The following PIK3CB variants were observed in gnomAD, a reference collection of about 807,000 sequenced individuals.
PIK3CB encodes phosphatidylinositol 4,5-bisphosphate 3-kinase catalytic subunit beta isoform.
In PIK3CB, 39 loss-of-function variants were observed where a neutral mutation model predicts 136.8. The observed-to-expected ratio is 0.29, with a 90% CI of 0.22 to 0.37. PIK3CB has a LOEUF of 0.37. Ranked by LOEUF, PIK3CB falls within the 10% of genes least tolerant of loss-of-function variation. PIK3CB has a pLI of 1.00. For missense variants in PIK3CB, 868 were observed against 1,275.4 expected (o/e 0.68, Z 4.87); for synonymous variants, 428 against 436.6 (o/e 0.98, Z 0.25).
rs764552777 is a variant in PIK3CB at position 138,664,071 on chromosome 3, C to T, written c.2673-42G>A. 4 of 1,606,446 alleles carry T rather than the reference C, an allele frequency of 2.5e-6. No homozygotes were observed. In the Admixed American group the frequency reaches 5.2e-5, roughly 21 times the overall value. ...AACAGAAGCAAAAAAGGTTTTCAGC[C>T]TCCAAGCGTGTAGAGTGAGACCCAA... On this transcript the variant is annotated intron_variant, in intron 20 of 23. Coordinates refer to ENST00000674063, the MANE Select transcript of PIK3CB (RefSeq NM_006219.3).
intron 1 of PIK3CB, among the ~76,000 whole-genome samples, chr3:138,809,378 G>A (rs1220643091): frequency 2.0e-5 from 3 of 151,742 alleles, no homozygotes; most frequent in African/African-American, 7.3e-5. Context: ...GGCCGAGGCG[G>A]GCGGATCACC....
At chr3:138,796,054 C>T (rs552425037) in intron 2 of PIK3CB, among the ~76,000 whole-genome samples, 1 of 152,238 alleles carries the variant, frequency 6.6e-6, no homozygotes, top group African/African-American at 2.4e-5. Context: ...ATCCCCCCTA[C>T]TCCCACTCCC....
intron 8 of PIK3CB, among the ~76,000 whole-genome samples, chr3:138,723,673 T>G (rs1222263573): frequency 1.3e-5 from 2 of 152,210 alleles, no homozygotes; most frequent in African/African-American, 2.4e-5. Context: ...AAGTCAGGCT[T>G]TGACATGCAA....
chr3:138,808,461 T>A (rs532105090), intron 1 of PIK3CB, among the ~76,000 whole-genome samples: 1 of 152,242 alleles, frequency 6.6e-6, no homozygotes, highest in African/African-American at 2.4e-5. Context: ...TGAGTTGTTC[T>A]ACAACTCTAT....
intron 1 of PIK3CB, among the ~76,000 whole-genome samples, chr3:138,820,273 T>C (rs1933503414): frequency 6.6e-6 from 1 of 152,160 alleles, no homozygotes; most frequent in South Asian, 2.1e-4. Flanking sequence ...CAACCCCAGA[T>C]GAGAAACACT....
chr3:138,694,605 T>C (rs1453806059), intron 14 of PIK3CB, among the ~76,000 whole-genome samples, 181 bp downstream of exon 14: 1 of 152,110 alleles, frequency 6.6e-6, no homozygotes, highest in Non-Finnish European at 1.5e-5. Context: ...AGCATGCTTT[T>C]GGTTTTTTTT....
chr3:138,693,963 ATAT>A (rs1479787978), intron 14 of PIK3CB, among the ~76,000 whole-genome samples: 1,556 of 35,146 alleles, frequency 0.044, 144 homozygotes, highest in East Asian at 0.29. Context: ...ATATATATAT[ATAT>A]TATATATATA....
chr3:138,787,317 G>GATCGCACC (rs2108804092), intron 2 of PIK3CB, among the ~76,000 whole-genome samples: 1 of 145,860 alleles, frequency 6.9e-6, no homozygotes, highest in Non-Finnish European at 1.5e-5. Flanking sequence ...AGTGAGCCGA[G>GATCGCACC]ATCGCACCAC....
At position 138,655,123 on chromosome 3, in the gene PIK3CB, A is replaced by G; in HGVS notation, c.*266T>C. On this transcript the variant is annotated 3_prime_UTR_variant, in exon 24 of 24. Transcript: ENST00000674063. ...AACAAAAACGGAAACAATCCCTAGT[A>G]GCATTCCTTGGCGTGCAAAGTCAGC... 2.3e-6 allele frequency: 1 copy of G among 429,870 alleles called. No individual in the cohort carries two copies. The highest frequency in any genetic ancestry group is 3.9e-5 in the South Asian group (1 of 25,432). 26.6% of individuals were successfully genotyped at this position (429,870 alleles called of 1,614,324 possible). A position where few individuals can be genotyped will look rare whatever the true frequency, so the allele number is the denominator to read the frequency against.
chr3:138,757,478 A>AACACACACAC (rs146470519), intron 3 of PIK3CB, among the ~76,000 whole-genome samples: 124 of 136,428 alleles, frequency 9.1e-4, no homozygotes, highest in African/African-American at 3.3e-3. Context: ...GATACTATTA[A>AACACACACAC]ACACACACAC....
intron 2 of PIK3CB, chr3:138,770,511 C>CATCCT (rs1307359935): frequency 6.6e-6 from 1 of 151,734 alleles, no homozygotes; most frequent in African/African-American, 2.4e-5. Flanking sequence ...AGATCGTGAC[C>CATCCT]ATCCTGGCTA....
At chr3:138,809,463 G>A (rs2046269805) in intron 1 of PIK3CB, among the ~76,000 whole-genome samples, 2 of 151,814 alleles carry the variant, frequency 1.3e-5, no homozygotes, top group Admixed American at 6.6e-5. Flanking sequence ...AAAATTAGCT[G>A]GGCATGGTGG....
At chr3:138,739,286 A>T (rs2108659452) in intron 5 of PIK3CB, among the ~76,000 whole-genome samples, 1 of 152,024 alleles carries the variant, frequency 6.6e-6, no homozygotes, top group East Asian at 1.9e-4. Flanking sequence ...TCTACTAAAA[A>T]TACAAAAATT....
intron 2 of PIK3CB, among the ~76,000 whole-genome samples, chr3:138,786,188 G>C (rs923571743): frequency 1.8e-4 from 27 of 152,206 alleles, no homozygotes; most frequent in Non-Finnish European, 3.7e-4. Flanking sequence ...TCTCTCCTGG[G>C]TGCTCAGAAG....
intron 1 of PIK3CB, among the ~76,000 whole-genome samples, chr3:138,834,020 A>T (rs1489940045): frequency 6.6e-6 from 1 of 152,184 alleles, no homozygotes; most frequent in Non-Finnish European, 1.5e-5. Context: ...GCAACACCAG[A>T]GCAGATCGGA....
chr3:138,821,368 G>A (rs1477019273), intron 1 of PIK3CB, among the ~76,000 whole-genome samples: 1 of 152,142 alleles, frequency 6.6e-6, no homozygotes, highest in Non-Finnish European at 1.5e-5. Flanking sequence ...ACTTTGGGAG[G>A]CTGCGGCGGG....
intron 10 of PIK3CB, among the ~76,000 whole-genome samples, chr3:138,711,579 CAAAAAA>C (rs139989947): frequency 3.0e-5 from 2 of 67,544 alleles, no homozygotes; most frequent in African/African-American, 1.2e-4. Context: ...AACTCCGTCG[CAAAAAA>C]AAAAAAAAAA....
chr3:138,724,924 C>T (rs947590533), intron 8 of PIK3CB, among the ~76,000 whole-genome samples: 5 of 151,924 alleles, frequency 3.3e-5, no homozygotes, highest in African/African-American at 4.8e-5. Context: ...GAGACAGTTA[C>T]GTTAAAATGT....
At chr3:138,656,320 G>C (rs376662220) in intron 22 of PIK3CB, 46 bp from the exon 23 acceptor site, 28 of 1,601,278 alleles carry the variant, frequency 1.7e-5, no homozygotes, top group Non-Finnish European at 2.3e-5. Context: ...TTAGAGGGGA[G>C]AGAGCACATT....
Sources: allele counts gnomAD v4.1 joint callset (sites outside exome capture counted in the v4.1 genomes callset), GRCh38; gene constraint gnomAD v4.1.1; transcripts MANE v1.5; gene names NCBI Gene and HGNC (gene_info 2026-07-23, HGNC 2026-07-21).